Variants in TBC1D10A observed in about 807,000 individuals in gnomAD.
TBC1D10A encodes the protein TBC1 domain family member 10A, also known as EBP50-PDX interactor of 64 kDa.
TBC1D10A carries 24 observed loss-of-function variants against 52.9 expected under a neutral mutation model. The observed-to-expected ratio is 0.45, with a 90% CI of 0.33 to 0.64. TBC1D10A has a LOEUF of 0.64. Ranked by LOEUF, TBC1D10A falls within the 30% of genes least tolerant of loss-of-function variation. The pLI is 0.02. For synonymous variants in TBC1D10A, 278 were observed against 282.9 expected, an observed-to-expected ratio of 0.98 and a Z score of 0.17; for missense variants, 602 against 687.9, an observed-to-expected ratio of 0.88 and a Z score of 1.40.
At chr22:30,306,565 A>G (rs189195474) in intron 1 of TBC1D10A, among the ~76,000 whole-genome samples, 123 of 152,352 alleles carry the variant, frequency 8.1e-4, no homozygotes, top group African/African-American at 2.9e-3. Context: ...CTGGATTCTA[A>G]GACACCACTG....
intron 1 of TBC1D10A, among the ~76,000 whole-genome samples, chr22:30,317,016 G>A (rs562850109): frequency 6.6e-6 from 1 of 152,176 alleles, no homozygotes. Flanking sequence ...TCCAGCCTGG[G>A]TGACAGAGCC....
At chr22:30,299,389 G>A in intron 3 of TBC1D10A, 55 bp downstream of exon 3, 2 of 1,554,912 alleles carry the variant, frequency 1.3e-6, no homozygotes, top group Non-Finnish European at 1.8e-6. Flanking sequence ...TGCCGCCATG[G>A]GGAGGACGCC....
chr22:30,321,390 G>A (rs1463300983), intron 1 of TBC1D10A, among the ~76,000 whole-genome samples: 1 of 152,214 alleles, frequency 6.6e-6, no homozygotes, highest in Non-Finnish European at 1.5e-5. Context: ...TAGATGCTCT[G>A]AGTTTACTAA....
intron 1 of TBC1D10A, among the ~76,000 whole-genome samples, chr22:30,322,894 CTTTT>C (rs34264567): frequency 7.6e-6 from 1 of 131,432 alleles, no homozygotes; most frequent in Non-Finnish European, 1.6e-5. Flanking sequence ...AGCACCTAGT[CTTTT>C]TTTTTTTTTT....
intron 1 of TBC1D10A, among the ~76,000 whole-genome samples, chr22:30,310,692 C>T (rs552505509): frequency 1.3e-5 from 2 of 152,302 alleles, no homozygotes; most frequent in Admixed American, 1.3e-4. Flanking sequence ...ACACAATCCC[C>T]CAAGGAAATA....
intron 1 of TBC1D10A, among the ~76,000 whole-genome samples, chr22:30,319,340 T>C (rs2145784469): frequency 6.6e-6 from 1 of 152,320 alleles, no homozygotes; most frequent in Middle Eastern, 3.4e-3. Flanking sequence ...GTGAGTGCCT[T>C]GAGGGCAATA....
chr22:30,297,862 G>A lies in TBC1D10A; in HGVS notation c.417+1582C>T, dbSNP rs1012909818. The A allele has an allele frequency of 6.6e-6, 1 of 152,182 alleles. No individual in the cohort carries two copies. The highest frequency in any genetic ancestry group is 6.5e-5 in the Admixed American group (1 of 15,270). 9.4% of individuals were successfully genotyped at this position (152,182 alleles called of 1,614,324 possible). A position where few individuals can be genotyped will look rare whatever the true frequency, so the allele number is the denominator to read the frequency against. Reference sequence around the variant, plus strand: ...CGGCACAGGACCCGCAGCAACCAGGGGAAGCTCCTCATGCTTCCTCTGGGT... The same window carrying A: ...CGGCACAGGACCCGCAGCAACCAGGAGAAGCTCCTCATGCTTCCTCTGGGT... On this transcript the variant is annotated intron_variant, in intron 3 of 8. Transcript: ENST00000215790. This position sits in a 1 kb window ranked among gnomAD's most constrained non-coding sequence, Gnocchi z 4.3.
chr22:30,325,243 G>C (rs1378116837), intron 1 of TBC1D10A, among the ~76,000 whole-genome samples: 1 of 152,362 alleles, frequency 6.6e-6, no homozygotes, highest in Non-Finnish European at 1.5e-5. Context: ...AGATCCAGTG[G>C]GTGAGAGGGA....
At chr22:30,295,884 G>A (rs779234259) in intron 3 of TBC1D10A, 41 bp from the exon 4 acceptor site, 1 of 1,570,810 alleles carries the variant, frequency 6.4e-7, no homozygotes, top group African/African-American at 1.3e-5. Context: ...GGAGGATGGA[G>A]GTGGGCTTTG....
intron 2 of TBC1D10A, among the ~76,000 whole-genome samples, chr22:30,303,298 T>C (rs535096708): frequency 6.7e-6 from 1 of 148,606 alleles, no homozygotes; most frequent in East Asian, 1.9e-4. Flanking sequence ...GTTAGATAGA[T>C]AGATAGATAG....
At chr22:30,304,147 G>T (rs1427742266) in intron 2 of TBC1D10A, among the ~76,000 whole-genome samples, 1 of 152,184 alleles carries the variant, frequency 6.6e-6, no homozygotes, top group Non-Finnish European at 1.5e-5. Flanking sequence ...ATTATCCCAG[G>T]CAAGTGCCAA....
intron 1 of TBC1D10A, among the ~76,000 whole-genome samples, chr22:30,308,565 G>A (rs1437889292): frequency 6.6e-6 from 1 of 152,148 alleles, no homozygotes; most frequent in Non-Finnish European, 1.5e-5. Flanking sequence ...TGTTTTAAAT[G>A]CTGGTCACAA....
chr22:30,292,737 C>G lies in TBC1D10A; in HGVS notation c.1165G>C (p.Gly389Arg). 6.2e-7 allele frequency: 1 copy of G among 1,611,862 alleles called. No individual in the cohort carries two copies. The highest frequency in any genetic ancestry group is 8.5e-7 in the Non-Finnish European group (1 of 1,179,432). Residue 389 changes from glycine to arginine, a missense_variant, in exon 9 of 9, where the codon GGT (glycine) becomes CGT (arginine). This residue lies in a region of TBC1D10A where 265 missense variants were observed against 275.1 expected (regional missense o/e 0.96). Coordinates refer to ENST00000215790, the MANE Select transcript of TBC1D10A (RefSeq NM_031937.3). ...TCTGCATCCAAGATAGCCTTGGCACCATGCAGCCTGGGCGGGGAGCGGCAC... is the reference window on the plus strand; with the variant it reads ...TCTGCATCCAAGATAGCCTTGGCACGATGCAGCCTGGGCGGGGAGCGGCAC... ...LQCRSPPRLH[G>R]AKAILDAEPG...
chr22:30,307,202 AGT>A (rs911455543), intron 1 of TBC1D10A, among the ~76,000 whole-genome samples: 1 of 152,172 alleles, frequency 6.6e-6, no homozygotes, highest in Non-Finnish European at 1.5e-5. Context: ...ACCAATTGCT[AGT>A]GAGAGAGAAG....
chr22:30,316,716 T>A (rs571533209), intron 1 of TBC1D10A, among the ~76,000 whole-genome samples: 1 of 152,272 alleles, frequency 6.6e-6, no homozygotes, highest in East Asian at 1.9e-4. Flanking sequence ...GGATGTCAGA[T>A]GTAGCTGTCT....
At chr22:30,313,090 G>A (rs1930458187) in intron 1 of TBC1D10A, among the ~76,000 whole-genome samples, 1 of 152,126 alleles carries the variant, frequency 6.6e-6, no homozygotes, top group South Asian at 2.1e-4. Flanking sequence ...ACAGGAAGTA[G>A]CTAGGCTGAG....
intron 3 of TBC1D10A, 56 bp from the exon 4 acceptor site, chr22:30,295,899 C>A: frequency 6.7e-7 from 1 of 1,498,156 alleles, no homozygotes; most frequent in Admixed American, 1.8e-5. Context: ...GCTTTGCTGA[C>A]AGGACACGGC....
Position 30,299,565 on chromosome 22 carries a change from G to A in TBC1D10A, c.310-14C>T, listed in dbSNP as rs1286152057. 6.2e-7 allele frequency: 1 copy of A among 1,613,388 alleles called. No homozygotes were observed. Among genetic ancestry groups the A allele is most frequent in the East Asian group, 2.2e-5 (1 of 44,862 alleles). ...CCGCAGACGAATCTGAAAATCAAAAGGACAGCTGAGCCCATGCAGCCACCC... is the reference window on the plus strand; with the variant it reads ...CCGCAGACGAATCTGAAAATCAAAAAGACAGCTGAGCCCATGCAGCCACCC... On this transcript the variant is annotated splice_polypyrimidine_tract_variant and intron_variant, in intron 2 of 8. Transcript: ENST00000215790.
chr22:30,293,994 C>T lies in TBC1D10A; in HGVS notation c.822G>A (p.Trp274Ter). Residue 274 changes from tryptophan (W) to a stop codon, truncating the protein, a stop_gained, in exon 7 of 9, where the codon TGG becomes TGA. Coordinates refer to ENST00000215790, the MANE Select transcript of TBC1D10A (RefSeq NM_031937.3). LOFTEE classifies it high-confidence loss of function. Reference protein sequence around the residue: ...KIDPLLYMTEWFMCAFSRTLP... With the variant: ...KIDPLLYMTE ...AGGTTCGGGAGAAGGCGCACATGAA[C>T]CATTCTGTCATATAGAGGAGCGGGT... 6.2e-7 allele frequency: 1 copy of T among 1,614,180 alleles called. No homozygotes were observed. Among genetic ancestry groups the T allele is most frequent in the East Asian group, 2.2e-5 (1 of 44,884 alleles).
Sources: allele counts gnomAD v4.1 joint callset (sites outside exome capture counted in the v4.1 genomes callset), GRCh38; gene constraint gnomAD v4.1.1; regional missense constraint gnomAD v4.1.1; non-coding constraint Gnocchi (gnomAD v3.1); transcripts MANE v1.5; gene names NCBI Gene and HGNC (gene_info 2026-07-23, HGNC 2026-07-21).